Variants in NPY2R observed in about 807,000 individuals in gnomAD.
NPY2R encodes the protein neuropeptide Y receptor Y2.
In NPY2R, 17 loss-of-function variants were observed where a neutral mutation model predicts 22.3. That is an observed-to-expected ratio of 0.76 (90% CI 0.52 to 1.14). The LOEUF (loss-of-function observed/expected upper bound fraction) is 1.14, where lower values mean the gene tolerates loss of function less well. Among genes scored for constraint, NPY2R ranks in the 50% most tolerant of loss-of-function variants. The pLI, the probability that NPY2R is intolerant of heterozygous loss-of-function variation, is 0.00. For synonymous variants in NPY2R, 209 were observed against 183.4 expected, an observed-to-expected ratio of 1.14 and a Z score of -1.13; for missense variants, 424 against 467.9, an observed-to-expected ratio of 0.91 and a Z score of 0.87.
At chr4:155,185,044 A>ATATATTT in the NPY2R span, among the ~76,000 whole-genome samples, 212 of 140,604 alleles carry the variant, frequency 1.5e-3, 1 homozygote, top group African/African-American at 4.0e-3. Flanking sequence ...ATATATATAT[A>ATATATTT]TTTTTTTTTT....
the NPY2R span, among the ~76,000 whole-genome samples, chr4:155,175,876 A>G: frequency 6.6e-6 from 1 of 152,172 alleles, no homozygotes; most frequent in African/African-American, 2.4e-5. Flanking sequence ...AGAAAATTTA[A>G]TGGGTCACAC....
the NPY2R span, among the ~76,000 whole-genome samples, chr4:155,177,940 T>C: frequency 6.6e-6 from 1 of 152,148 alleles, no homozygotes; most frequent in East Asian, 1.9e-4. Flanking sequence ...CCATAGCACC[T>C]GGTTGGAAAC....
chr4:155,186,163 G>T, the NPY2R span, among the ~76,000 whole-genome samples: 4 of 152,050 alleles, frequency 2.6e-5, no homozygotes, highest in South Asian at 4.2e-4. Context: ...TTAGTCCAAG[G>T]TTATACAGTT....
At chr4:155,190,329 G>C in the NPY2R span, among the ~76,000 whole-genome samples, 2 of 151,944 alleles carry the variant, frequency 1.3e-5, no homozygotes, top group Non-Finnish European at 2.9e-5. Context: ...TCACAAATAT[G>C]GCTATTTAGA....
At chr4:155,208,054 G>C (rs754252048), upstream of NPY2R, 2 of 152,240 alleles carry the variant, frequency 1.3e-5, no homozygotes, top group African/African-American at 4.8e-5. This position sits in a 1 kb window ranked among gnomAD's most constrained non-coding sequence, Gnocchi z 5.6. Flanking sequence ...GGACCGCCCA[G>C]CTAGAGGAGC....
At chr4:155,200,072 C>T in the NPY2R span, among the ~76,000 whole-genome samples, 11 of 152,030 alleles carry the variant, frequency 7.2e-5, no homozygotes, top group African/African-American at 2.4e-4. Flanking sequence ...CAACCTTATA[C>T]AATGTGAGAC....
the NPY2R span, among the ~76,000 whole-genome samples, chr4:155,200,095 T>C: frequency 6.6e-6 from 1 of 152,128 alleles, no homozygotes; most frequent in Admixed American, 6.5e-5. Context: ...GTTTGCAATA[T>C]ACCCATTTGA....
At chr4:155,185,044 A>T in the NPY2R span, among the ~76,000 whole-genome samples, 2,439 of 140,618 alleles carry the variant, frequency 0.017, 28 homozygotes, top group Non-Finnish European at 0.025. Flanking sequence ...ATATATATAT[A>T]TTTTTTTTTT....
chr4:155,202,168 A>G, the NPY2R span, among the ~76,000 whole-genome samples: 1 of 152,204 alleles, frequency 6.6e-6, no homozygotes, highest in Non-Finnish European at 1.5e-5. Context: ...CATAAAGAAG[A>G]TGGTATCCCA....
the NPY2R span, among the ~76,000 whole-genome samples, chr4:155,179,449 C>G: frequency 6.6e-6 from 1 of 152,126 alleles, no homozygotes; most frequent in Admixed American, 6.5e-5. Context: ...GCTTTTAAAG[C>G]CTTTTAGAAG....
chr4:155,192,798 A>G, the NPY2R span, among the ~76,000 whole-genome samples: 1 of 151,952 alleles, frequency 6.6e-6, no homozygotes, highest in East Asian at 1.9e-4. Context: ...ACCTCAAGAC[A>G]GCTAGTGTTT....
the NPY2R span, among the ~76,000 whole-genome samples, chr4:155,188,905 C>T: frequency 6.6e-6 from 1 of 152,092 alleles, no homozygotes; most frequent in African/African-American, 2.4e-5. Flanking sequence ...ATAATAAATG[C>T]TTGTTTTAGC....
At chr4:155,181,101 G>A in the NPY2R span, among the ~76,000 whole-genome samples, 71,658 of 151,980 alleles carry the variant, frequency 0.47, 17,599 homozygotes, top group East Asian at 0.69. Flanking sequence ...TTTACATGAC[G>A]TGGAGGTCAT....
Position 155,216,127 on chromosome 4 carries a change from T to G in NPY2R, c.*1042T>G, listed in dbSNP as rs949510683. The G allele has an allele frequency of 6.0e-6, 1 of 167,010 alleles. No homozygotes were observed. 10.3% of individuals were successfully genotyped at this position (167,010 alleles called of 1,614,324 possible). On this transcript the variant is annotated 3_prime_UTR_variant, in exon 2 of 2. Coordinates refer to ENST00000329476, the MANE Select transcript of NPY2R (RefSeq NM_000910.4). ...GACCCATTCATACTAAATAAAACAA[T>G]GTAATTACATTAAAATGGACCTATC...
chr4:155,214,838 TGAA>T lies in NPY2R; in HGVS notation c.901_903del (p.Lys301del). ...GACATTGACAGCCAGGTCCTGGACC[TGAA>T]GGAGTACAAACTCATCTTCACAGTG... is the stretch of plus-strand genomic sequence containing the variant. On this transcript the variant is annotated inframe_deletion, in exon 2 of 2. Coordinates refer to ENST00000329476, the MANE Select transcript of NPY2R (RefSeq NM_000910.4). The T allele has an allele frequency of 6.2e-7, 1 of 1,610,410 alleles. No individual in the cohort carries two copies. The highest frequency in any genetic ancestry group is 8.5e-7 in the Non-Finnish European group (1 of 1,177,670).
the NPY2R span, among the ~76,000 whole-genome samples, chr4:155,196,667 G>T: frequency 6.6e-6 from 1 of 151,908 alleles, no homozygotes; most frequent in East Asian, 1.9e-4. Flanking sequence ...GGGAAGGTGT[G>T]CAGGTGCTTG....
upstream of NPY2R, chr4:155,206,689 C>T (rs940548268): frequency 6.6e-6 from 1 of 152,192 alleles, no homozygotes; most frequent in Non-Finnish European, 1.5e-5. Flanking sequence ...GCTGCTAATA[C>T]GCTTCTGAAA....
chr4:155,179,728 C>A, the NPY2R span, among the ~76,000 whole-genome samples: 1 of 152,188 alleles, frequency 6.6e-6, no homozygotes, highest in Admixed American at 6.6e-5. Flanking sequence ...CCCAACAGGA[C>A]CCCATGCAGA....
At chr4:155,194,569 A>T in the NPY2R span, among the ~76,000 whole-genome samples, 1 of 152,010 alleles carries the variant, frequency 6.6e-6, no homozygotes, top group Non-Finnish European at 1.5e-5. Flanking sequence ...GCTACAAAGG[A>T]CATGATTTCA....
Sources: gnomAD v4.1 joint callset for allele counts (sites outside exome capture counted in the v4.1 genomes callset) on GRCh38, gnomAD v4.1.1 for gene constraint, Gnocchi (gnomAD v3.1) non-coding constraint, MANE v1.5 for transcripts, NCBI Gene and HGNC (gene_info 2026-07-23, HGNC 2026-07-21) for gene names.